EYS: variants seen among roughly 807,000 people sequenced by gnomAD.
EYS encodes the protein EGF-like photoreceptor maintenance factor, also known as protein eyes shut homolog.
In EYS, 250 loss-of-function variants were observed where a neutral mutation model predicts 282.1. The ratio of observed to expected loss-of-function variants is 0.89; its 90% CI spans 0.80 to 0.98. The LOEUF (loss-of-function observed/expected upper bound fraction) is 0.98. Among genes scored for constraint, EYS ranks in the 50% least tolerant of loss-of-function variants. The probability of loss-of-function intolerance (pLI) is 0.00; values close to 1 mark genes in which losing one functional copy is unlikely to be tolerated. For synonymous variants in EYS, 1,355 were observed against 1,282.9 expected (o/e 1.06, Z -1.20); for missense variants, 4,016 against 3,709.0 (o/e 1.08, Z -2.15).
chr6:65,647,284 A>T (rs1261044649), intron 1 of EYS, among the ~76,000 whole-genome samples: 1 of 152,214 alleles, frequency 6.6e-6, no homozygotes, highest in African/African-American at 2.4e-5. Flanking sequence ...AGCCATAGTC[A>T]CCAAAACAGC....
At chr6:64,406,342 C>G (rs1773706915) in intron 28 of EYS, among the ~76,000 whole-genome samples, 1 of 152,052 alleles carries the variant, frequency 6.6e-6, no homozygotes, top group Admixed American at 6.6e-5. Flanking sequence ...AATGTAAAAC[C>G]TAAAACTATA....
chr6:64,269,754 T>C (rs1767877961), intron 30 of EYS, among the ~76,000 whole-genome samples: 1 of 152,090 alleles, frequency 6.6e-6, no homozygotes, highest in East Asian at 1.9e-4. Flanking sequence ...TTTTAATCTT[T>C]AAATTATATG....
At chr6:65,355,349 A>G (rs13220920) in intron 8 of EYS, among the ~76,000 whole-genome samples, 32,585 of 151,966 alleles carry the variant, frequency 0.21, 3,680 homozygotes, top group South Asian at 0.37. Flanking sequence ...CTGTACCCCC[A>G]AAAGTATTGA....
At chr6:64,440,465 ATGTGTGTGTGTT>A (rs1186724304) in intron 26 of EYS, among the ~76,000 whole-genome samples, 2 of 151,858 alleles carry the variant, frequency 1.3e-5, no homozygotes, top group Admixed American at 6.6e-5. Context: ...GCATGAGTAT[ATGTGTGTGTGTT>A]TGTGTGTGTG....
rs1554204687 is a variant in EYS, at chr6:65,512,004, A to AAG, written c.-332-16012_-332-16011insCT. 5.7e-3 allele frequency among the ~76,000 whole-genome samples: 789 copies of AAG among 138,412 alleles called. 11 individuals are homozygous for AAG. The highest frequency in any genetic ancestry group is 0.019 in the African/African-American group (709 of 38,306). The allele number at this position is 138,412 out of a possible 152,430, so 90.8% of individuals were successfully genotyped here. On this transcript the variant is annotated intron_variant, in intron 2 of 42. Coordinates refer to ENST00000503581, the MANE Select transcript of EYS (RefSeq NM_001142800.2). Reference sequence around the variant, plus strand: ...TGTCTCAAAAAAAAAAAAAAAAAAAAAAAAGAAATCACCTAAAATCATATA... The same window carrying AAG: ...TGTCTCAAAAAAAAAAAAAAAAAAAAAGAAAAGAAATCACCTAAAATCATATA...
intron 12 of EYS, among the ~76,000 whole-genome samples, chr6:65,124,332 A>G (rs907423191): frequency 7.2e-5 from 11 of 152,196 alleles, no homozygotes; most frequent in Admixed American, 5.9e-4. Context: ...TTCCAGATGA[A>G]TAAATTTGTT....
At chr6:65,053,986 C>A (rs1401310088) in intron 13 of EYS, among the ~76,000 whole-genome samples, 2 of 151,670 alleles carry the variant, frequency 1.3e-5, no homozygotes, top group African/African-American at 2.4e-5. Context: ...AGGCTCAGAG[C>A]GAATTTAATC....
At chr6:64,355,728 A>G (rs1451362884) in intron 29 of EYS, among the ~76,000 whole-genome samples, 2 of 151,576 alleles carry the variant, frequency 1.3e-5, no homozygotes, top group Non-Finnish European at 3.0e-5. Context: ...TCTCCTGTGC[A>G]CAAGACAGAT....
intron 31 of EYS, among the ~76,000 whole-genome samples, chr6:64,178,798 G>C (rs1048697364): frequency 1.3e-5 from 2 of 152,006 alleles, no homozygotes; most frequent in African/African-American, 4.8e-5. Flanking sequence ...TCCTGACACT[G>C]GTAGTTATTT....
At chr6:64,915,011 G>T (rs1768116190) in intron 15 of EYS, among the ~76,000 whole-genome samples, 1 of 151,954 alleles carries the variant, frequency 6.6e-6, no homozygotes, top group African/African-American at 2.4e-5. Flanking sequence ...TTATTTTGGT[G>T]ACTTTCCATC....
At chr6:64,187,925 A>G (rs1764995721) in intron 31 of EYS, among the ~76,000 whole-genome samples, 1 of 152,086 alleles carries the variant, frequency 6.6e-6, no homozygotes. Context: ...TGGAGTTAGC[A>G]TCTTCAAAAT....
intron 2 of EYS, among the ~76,000 whole-genome samples, chr6:65,499,078 C>T (rs1766357481): frequency 1.3e-5 from 2 of 151,928 alleles, no homozygotes; most frequent in Admixed American, 6.6e-5. Flanking sequence ...AAAATATTCA[C>T]AGGAAAATAT....
At chr6:64,085,331 C>T (rs552192003) in intron 31 of EYS, among the ~76,000 whole-genome samples, 3 of 123,650 alleles carry the variant, frequency 2.4e-5, no homozygotes, top group East Asian at 5.3e-4. Flanking sequence ...CGCGTGCGCA[C>T]GTGCGCGCGC....
chr6:63,726,593 A>G lies in EYS; in HGVS notation c.8159T>C (p.Ile2720Thr), dbSNP rs756985941. The G allele has an allele frequency of 1.3e-6, 2 of 1,551,410 alleles. No homozygotes were observed. Among genetic ancestry groups the G allele is most frequent in the Non-Finnish European group, 1.7e-6 (2 of 1,146,784 alleles). ...ASFHVRKKTH[I>T]QLQFQPLAAD... Reference sequence around the variant, plus strand: ...AGCGAGAGGCTGAAACTGCAATTGAATATGTGTCTTTTTTCGAACATGAAA... The same window carrying G: ...AGCGAGAGGCTGAAACTGCAATTGAGTATGTGTCTTTTTTCGAACATGAAA... The change falls in exon 42 of 43, where the codon ATT becomes ACT. Residue 2720 changes from isoleucine (I) to threonine (T), a missense_variant. Coordinates refer to ENST00000503581, the MANE Select transcript of EYS (RefSeq NM_001142800.2).
intron 12 of EYS, among the ~76,000 whole-genome samples, chr6:65,248,088 T>G (rs1330972755): frequency 6.6e-6 from 1 of 151,876 alleles, no homozygotes; most frequent in Non-Finnish European, 1.5e-5. Context: ...TTGTTGTTGG[T>G]TTTTTTTCCT....
chr6:64,626,318 T>A, intron 22 of EYS, 73 bp from the exon 23 acceptor site: 1 of 1,473,314 alleles, frequency 6.8e-7, no homozygotes, highest in Non-Finnish European at 9.0e-7. Context: ...ATCTTGGGAT[T>A]CCATCATTCA....
At chr6:63,994,481 G>T (rs1304828234) in intron 34 of EYS, among the ~76,000 whole-genome samples, 2 of 151,854 alleles carry the variant, frequency 1.3e-5, no homozygotes, top group Non-Finnish European at 2.9e-5. Flanking sequence ...GAAAGGCCTT[G>T]AATTCCTTTT....
intron 12 of EYS, among the ~76,000 whole-genome samples, chr6:65,175,663 G>C (rs1484556580): frequency 1.3e-5 from 2 of 151,442 alleles, no homozygotes; most frequent in Non-Finnish European, 3.0e-5. Flanking sequence ...TGAAGTGTAA[G>C]TTTATATATG....
chr6:65,590,058 C>T (rs931019898), intron 2 of EYS, among the ~76,000 whole-genome samples: 4 of 151,972 alleles, frequency 2.6e-5, no homozygotes, highest in Admixed American at 2.6e-4. Context: ...GATTACAGCA[C>T]AATACTAGAG....
Sources: allele counts gnomAD v4.1 joint callset (sites outside exome capture counted in the v4.1 genomes callset), GRCh38; gene constraint gnomAD v4.1.1; transcripts MANE v1.5; gene names NCBI Gene and HGNC (gene_info 2026-07-23, HGNC 2026-07-21).